Variants in RHOQ observed in about 807,000 individuals in gnomAD.
The protein encoded by RHOQ is ras homolog family member Q.
In RHOQ, 7 loss-of-function variants were observed where a neutral mutation model predicts 25.8. The observed-to-expected ratio is 0.27, with a 90% CI of 0.15 to 0.51. RHOQ has a LOEUF of 0.51. Ranked by LOEUF, RHOQ falls within the 20% of genes least tolerant of loss-of-function variation. The probability of loss-of-function intolerance (pLI) is 0.97; values close to 1 mark genes in which losing one functional copy is unlikely to be tolerated. For missense variants in RHOQ, 165 were observed against 260.6 expected, an observed-to-expected ratio of 0.63 and a Z score of 2.53; for synonymous variants, 97 against 98.6, an observed-to-expected ratio of 0.98 and a Z score of 0.10.
rs1162268465 is a variant in RHOQ, at chr2:46,576,225, G to A, written c.340G>A (p.Val114Ile). The A allele has an allele frequency of 9.3e-6, 15 of 1,608,694 alleles. No homozygotes were observed. Among genetic ancestry groups the A allele is most frequent in the South Asian group, 5.5e-5 (5 of 90,694 alleles). ...VPELKEYAPN[V>I]PFLLIGTQID... ...GGAACTTAAGGAATACGCACCAAAT[G>A]TACCCTTTTTATTAATAGGAACTCA... is the stretch of plus-strand genomic sequence containing the variant. The change falls in exon 3 of 5, where the codon GTA (valine) becomes ATA (isoleucine). Residue 114 changes from valine (V) to isoleucine (I), a missense_variant. Physicochemically the swap from Val to Ile is conservative, Grantham distance 29 (BLOSUM62 3). Coordinates refer to ENST00000238738, the MANE Select transcript of RHOQ (RefSeq NM_012249.4). This position sits in a 1 kb window ranked among gnomAD's most constrained non-coding sequence, Gnocchi z 5.1.
intron 2 of RHOQ, among the ~76,000 whole-genome samples, chr2:46,550,090 A>C (rs555686502): frequency 1.3e-5 from 2 of 152,042 alleles, no homozygotes; most frequent in African/African-American, 4.8e-5. Flanking sequence ...AATTAGCCAG[A>C]TGTGGTAATG....
intron 2 of RHOQ, among the ~76,000 whole-genome samples, chr2:46,557,993 G>C (rs567673590): frequency 8.6e-5 from 13 of 151,796 alleles, no homozygotes; most frequent in Admixed American, 5.9e-4. Flanking sequence ...TTTTTTTCTT[G>C]TACCACTTTC....
rs1330798450 is a variant in RHOQ, at chr2:46,546,514, A to G, written c.201+2702A>G. 2.9e-4 allele frequency among the ~76,000 whole-genome samples: 7 copies of G among 24,230 alleles called. 1 individual carries two copies. The highest frequency in any genetic ancestry group is 4.8e-4 in the Admixed American group (1 of 2,084). 15.9% of individuals were successfully genotyped at this position (24,230 alleles called of 152,430 possible). On this transcript the variant is annotated intron_variant, in intron 2 of 4. Transcript: ENST00000238738. Reference sequence around the variant, plus strand: ...TATATATATATATATATATATATGTATATACATATATATATATACACAAAT... The same window carrying G: ...TATATATATATATATATATATATGTGTATACATATATATATATACACAAAT...
chr2:46,548,493 T>G lies in RHOQ; in HGVS notation c.201+4681T>G, dbSNP rs888584412. Reference sequence around the variant, plus strand: ...GTAGACTTCTCCCAGATGAGGAAATTGGGAACAAGTGGGCTTATGGGAACC... The same window carrying G: ...GTAGACTTCTCCCAGATGAGGAAATGGGGAACAAGTGGGCTTATGGGAACC... On this transcript the variant is annotated intron_variant, in intron 2 of 4. Transcript: ENST00000238738. The surrounding 1 kb of genome is among the most constrained non-coding windows in gnomAD (Gnocchi z 5.2). Among the ~76,000 whole-genome samples, 1 of 152,188 alleles carries G rather than the reference T, an allele frequency of 6.6e-6. No individual in the cohort carries two copies. The highest frequency in any genetic ancestry group is 1.5e-5 in the Non-Finnish European group (1 of 68,026).
At chr2:46,572,362 C>G (rs1003653889) in intron 2 of RHOQ, among the ~76,000 whole-genome samples, 9 of 151,994 alleles carry the variant, frequency 5.9e-5, no homozygotes. Context: ...CTCGGCCTCC[C>G]AAAGTGCTGG....
At chr2:46,553,922 AC>A (rs535230115) in intron 2 of RHOQ, among the ~76,000 whole-genome samples, 178 of 151,066 alleles carry the variant, frequency 1.2e-3, no homozygotes, top group African/African-American at 3.9e-3. Context: ...CTCCCGCCAA[AC>A]CCCCAACTAC....
chr2:46,582,846 GGAGA>G lies in RHOQ; in HGVS notation c.*1767_*1770del, dbSNP rs950212386. 2.0e-5 allele frequency: 3 copies of G among 152,660 alleles called. No homozygotes were observed. The highest frequency in any genetic ancestry group is 4.4e-5 in the Non-Finnish European group (3 of 68,008). The allele number at this position is 152,660 out of a possible 1,614,324, so 9.5% of individuals were successfully genotyped here. On this transcript the variant is annotated 3_prime_UTR_variant, in exon 5 of 5. Coordinates refer to ENST00000238738, the MANE Select transcript of RHOQ (RefSeq NM_012249.4). The stretch of plus-strand genomic sequence containing the variant: ...AAGCATCACCTTCCCATTGAAGAGT[GGAGA>G]GAGTCTACTGGATGACTGGCCAGGA...
chr2:46,569,582 T>C lies in RHOQ; in HGVS notation c.202-6505T>C, dbSNP rs1318081673. The C allele has an allele frequency of 6.6e-6, 1 of 151,966 alleles. No homozygotes were observed. The highest frequency in any genetic ancestry group is 6.6e-5 in the Admixed American group (1 of 15,236). 9.4% of individuals were successfully genotyped at this position (151,966 alleles called of 1,614,324 possible). A position where few individuals can be genotyped will look rare whatever the true frequency, so the allele number is the denominator to read the frequency against. On this transcript the variant is annotated intron_variant, in intron 2 of 4. Coordinates refer to ENST00000238738, the MANE Select transcript of RHOQ (RefSeq NM_012249.4). This position sits in a 1 kb window ranked among gnomAD's most constrained non-coding sequence, Gnocchi z 4.1. ...TTCCTCCAGCCAACCTAAACAGGAG[T>C]TACAATCAGTCAGGTGGCCAAAAGG...
intron 2 of RHOQ, chr2:46,560,763 G>A (rs1357658912): frequency 6.7e-6 from 2 of 300,650 alleles, no homozygotes; most frequent in African/African-American, 4.4e-5. Context: ...TATAGACCAT[G>A]ACTTTTCAGT....
chr2:46,562,263 C>A lies in RHOQ; in HGVS notation c.202-13824C>A, dbSNP rs920187303. Among the ~76,000 whole-genome samples the A allele has an allele frequency of 6.6e-5, 10 of 152,136 alleles. 1 individual carries two copies. The highest frequency in any genetic ancestry group is 4.6e-4 in the Admixed American group (7 of 15,272). On this transcript the variant is annotated intron_variant, in intron 2 of 4. Coordinates refer to ENST00000238738, the MANE Select transcript of RHOQ (RefSeq NM_012249.4). The stretch of plus-strand genomic sequence containing the variant: ...TCCACCACTTCACCGAGAGCCTGGG[C>A]TCAGCTGCTGCCCTCACTGCCCTGG...
rs188259405 is a variant in RHOQ at position 46,556,430 on chromosome 2, C to T, written c.201+12618C>T. Among the ~76,000 whole-genome samples, 1 of 151,952 alleles carries T rather than the reference C, an allele frequency of 6.6e-6. No individual in the cohort carries two copies. The highest frequency in any genetic ancestry group is 1.5e-5 in the Non-Finnish European group (1 of 67,964). ...CCTTCGCCCCTGGCTCAGGTAGAGG[C>T]GAGGGCTGATCTCTTCTCTACCCTT... On this transcript the variant is annotated intron_variant, in intron 2 of 4. Transcript: ENST00000238738. The surrounding 1 kb of genome is among the most constrained non-coding windows in gnomAD (Gnocchi z 4.9).
Position 46,555,698 on chromosome 2 carries a change from A to C in RHOQ, c.201+11886A>C, listed in dbSNP as rs183662942. 7.9e-4 allele frequency among the ~76,000 whole-genome samples: 120 copies of C among 152,350 alleles called. 1 individual carries two copies. Among genetic ancestry groups the C allele is most frequent in the African/African-American group, 2.7e-3 (113 of 41,590 alleles). ...TGGCTATGCGCATGTACTGTTCTCCAGCAAGTCTAGACCTGTAGGAGTCCT... is the reference window on the plus strand; with the variant it reads ...TGGCTATGCGCATGTACTGTTCTCCCGCAAGTCTAGACCTGTAGGAGTCCT... On this transcript the variant is annotated intron_variant, in intron 2 of 4. Transcript: ENST00000238738. This position sits in a 1 kb window ranked among gnomAD's most constrained non-coding sequence, Gnocchi z 4.3.
intron 2 of RHOQ, among the ~76,000 whole-genome samples, chr2:46,544,678 T>A (rs1406813324): frequency 1.3e-5 from 2 of 152,212 alleles, no homozygotes; most frequent in African/African-American, 4.8e-5. Flanking sequence ...TGTGATGAAT[T>A]TTGTAGAATC....
intron 2 of RHOQ, among the ~76,000 whole-genome samples, chr2:46,567,574 T>C (rs189588393): frequency 6.6e-6 from 1 of 152,196 alleles, no homozygotes. Context: ...TTTATTTTTG[T>C]AGAGATCGTG....
Position 46,576,141 on chromosome 2 carries a change from A to G in RHOQ, c.256A>G (p.Ile86Val), listed in dbSNP as rs1362709709. The G allele has an allele frequency of 6.2e-7, 1 of 1,613,652 alleles. No individual in the cohort carries two copies. Among genetic ancestry groups the G allele is most frequent in the Admixed American group, 1.7e-5 (1 of 59,926 alleles). Reference sequence around the variant, plus strand: ...TTACCCAATGACCGATGTCTTCCTTATATGCTTCTCGGTGGTAAATCCAGC... The same window carrying G: ...TTACCCAATGACCGATGTCTTCCTTGTATGCTTCTCGGTGGTAAATCCAGC... The part of the protein sequence containing the change: ...LSYPMTDVFL[I>V]CFSVVNPASF... Residue 86 changes from isoleucine (I) to valine (V), a missense_variant, in exon 3 of 5, where the codon ATA (isoleucine) becomes GTA (valine). Ile to Val is a conservative substitution (Grantham distance 29, BLOSUM62 3). Transcript: ENST00000238738. The surrounding 1 kb of genome is among the most constrained non-coding windows in gnomAD (Gnocchi z 5.1).
chr2:46,570,707 A>C (rs1195837609), intron 2 of RHOQ, among the ~76,000 whole-genome samples: 1 of 152,218 alleles, frequency 6.6e-6, no homozygotes, highest in African/African-American at 2.4e-5. Flanking sequence ...AGTGACACAG[A>C]GAATTGCTAC....
At position 46,566,682 on chromosome 2, in the gene RHOQ, C is replaced by A. The variant is rs1331478797; in HGVS notation, c.202-9405C>A. Among the ~76,000 whole-genome samples the A allele has an allele frequency of 6.6e-6, 1 of 152,144 alleles. No homozygotes were observed. Among genetic ancestry groups the A allele is most frequent in the Non-Finnish European group, 1.5e-5 (1 of 68,024 alleles). ...TTGCAGGTGGGCCCTGCAGAGGGGT[C>A]CAAGCTGACTCCCTCTCCAGCCCCA... On this transcript the variant is annotated intron_variant, in intron 2 of 4. Coordinates refer to ENST00000238738, the MANE Select transcript of RHOQ (RefSeq NM_012249.4). This position sits in a 1 kb window ranked among gnomAD's most constrained non-coding sequence, Gnocchi z 4.2.
chr2:46,549,338 G>A (rs1402903922), intron 2 of RHOQ, among the ~76,000 whole-genome samples: 1 of 152,156 alleles, frequency 6.6e-6, no homozygotes, highest in Non-Finnish European at 1.5e-5. Context: ...AGCCCCTCGG[G>A]GTCAGAGGCC....
At chr2:46,551,492 G>A (rs1337113834) in intron 2 of RHOQ, among the ~76,000 whole-genome samples, 1 of 152,204 alleles carries the variant, frequency 6.6e-6, no homozygotes, top group Admixed American at 6.5e-5. Context: ...ACCCCAAAGC[G>A]TCTTTTTATG....
Sources: gnomAD v4.1 joint callset for allele counts (sites outside exome capture counted in the v4.1 genomes callset) on GRCh38, gnomAD v4.1.1 for gene constraint, Gnocchi (gnomAD v3.1) non-coding constraint, MANE v1.5 for transcripts, NCBI Gene and HGNC (gene_info 2026-07-23, HGNC 2026-07-21) for gene names.